The following ADIPOR2 variants were observed in gnomAD, a reference collection of about 807,000 sequenced individuals.
ADIPOR2 encodes the protein adiponectin receptor protein 2.
Under a neutral mutation model 40.9 loss-of-function variants are expected in ADIPOR2, and 18 were observed. The ratio of observed to expected loss-of-function variants is 0.44; its 90% CI spans 0.30 to 0.65. ADIPOR2 has a LOEUF of 0.65. ADIPOR2 is among the 30% of genes least tolerant of loss of function. The pLI, the probability that ADIPOR2 is intolerant of heterozygous loss-of-function variation, is 0.09. For missense variants in ADIPOR2, 283 were observed against 479.2 expected (o/e 0.59, Z 3.82); for synonymous variants, 165 against 166.4 (o/e 0.99, Z 0.06).
intron 1 of ADIPOR2, among the ~76,000 whole-genome samples, chr12:1,704,854 CT>C (rs1455601868): frequency 6.6e-6 from 1 of 151,910 alleles, no homozygotes; most frequent in Non-Finnish European, 1.5e-5. Flanking sequence ...CCTTTTCTTT[CT>C]CATACTGGTG....
chr12:1,707,701 G>A (rs1186927983), intron 1 of ADIPOR2, among the ~76,000 whole-genome samples: 1 of 151,364 alleles, frequency 6.6e-6, no homozygotes, highest in Non-Finnish European at 1.5e-5. Flanking sequence ...TTTAAATCTG[G>A]GGCTCAAGTG....
intron 1 of ADIPOR2, among the ~76,000 whole-genome samples, chr12:1,702,046 T>TG (rs1236008790): frequency 1.3e-5 from 2 of 152,036 alleles, no homozygotes; most frequent in Non-Finnish European, 2.9e-5. Flanking sequence ...CGCTTGAACC[T>TG]GGGAGGCAGA....
chr12:1,698,759 A>G (rs1227243774), intron 1 of ADIPOR2, among the ~76,000 whole-genome samples: 5 of 152,206 alleles, frequency 3.3e-5, no homozygotes, highest in African/African-American at 1.2e-4. Context: ...AAGAAAACAC[A>G]TTTTTCATTT....
intron 1 of ADIPOR2, among the ~76,000 whole-genome samples, chr12:1,747,124 T>C (rs1335379060): frequency 6.8e-6 from 1 of 148,146 alleles, no homozygotes; most frequent in Non-Finnish European, 1.5e-5. Flanking sequence ...GTAAACCAGT[T>C]GGGCCTAATA....
intron 1 of ADIPOR2, among the ~76,000 whole-genome samples, chr12:1,747,423 A>C (rs1045517520): frequency 1.3e-5 from 2 of 152,180 alleles, no homozygotes; most frequent in South Asian, 2.1e-4. Flanking sequence ...TAGGGGTTGC[A>C]ATATATATAT....
intron 1 of ADIPOR2, among the ~76,000 whole-genome samples, chr12:1,728,269 C>T (rs575419729): frequency 5.9e-5 from 9 of 151,908 alleles, no homozygotes; most frequent in Admixed American, 2.6e-4. Flanking sequence ...CCTGCCACCA[C>T]GCCCGGCTAA....
intron 1 of ADIPOR2, among the ~76,000 whole-genome samples, chr12:1,716,754 G>A (rs1949975537): frequency 6.6e-6 from 1 of 152,110 alleles, no homozygotes; most frequent in African/African-American, 2.4e-5. Context: ...TTTCCTAAAG[G>A]TTAATTTTCT....
At chr12:1,748,621 G>A (rs889790999) in intron 1 of ADIPOR2, among the ~76,000 whole-genome samples, 3 of 151,752 alleles carry the variant, frequency 2.0e-5, no homozygotes, top group East Asian at 3.9e-4. Context: ...TTTACAGGTT[G>A]AAGTTTTTTT....
intron 1 of ADIPOR2, among the ~76,000 whole-genome samples, chr12:1,710,612 C>G (rs1323331414): frequency 6.6e-6 from 1 of 151,850 alleles, no homozygotes; most frequent in African/African-American, 2.4e-5. Flanking sequence ...CAACCCCCGA[C>G]TCTTCAGAGT....
chr12:1,704,052 G>T (rs1297986783), intron 1 of ADIPOR2, among the ~76,000 whole-genome samples: 4 of 101,502 alleles, frequency 3.9e-5, no homozygotes, highest in African/African-American at 6.5e-5. Context: ...GGTTCTACCT[G>T]GAATTTTTTT....
chr12:1,711,254 T>TGA (rs1448099200), intron 1 of ADIPOR2, among the ~76,000 whole-genome samples: 1 of 152,102 alleles, frequency 6.6e-6, no homozygotes, highest in South Asian at 2.1e-4. Flanking sequence ...AGAAATCCTT[T>TGA]GAGAGTGTGT....
intron 1 of ADIPOR2, among the ~76,000 whole-genome samples, chr12:1,727,172 C>T (rs891757368): frequency 2.0e-5 from 3 of 152,170 alleles, no homozygotes; most frequent in Non-Finnish European, 4.4e-5. Context: ...TTCACCATTT[C>T]TTTTAGGCAG....
chr12:1,757,735 T>C (rs1862170259), intron 2 of ADIPOR2: 1 of 1,282,848 alleles, frequency 7.8e-7, no homozygotes, highest in Non-Finnish European at 1.1e-6. Context: ...CTCCCCCGTC[T>C]TGTCAATGCT....
chr12:1,767,449 C>A (rs191901104), intron 2 of ADIPOR2, among the ~76,000 whole-genome samples: 1 of 151,954 alleles, frequency 6.6e-6, no homozygotes, highest in Non-Finnish European at 1.5e-5. Flanking sequence ...TTGGAGAATA[C>A]TGGGTATACA....
rs959851609 is a variant in ADIPOR2, at chr12:1,786,855, T to C, written c.*783T>C. On this transcript the variant is annotated 3_prime_UTR_variant, in exon 8 of 8. Coordinates refer to ENST00000357103, the MANE Select transcript of ADIPOR2 (RefSeq NM_024551.3). ...AGGTAGAGGGGAGTGGTATGTGTTT[T>C]CTCAGTGGAAGCAGCACATGAGTGG... 2.0e-5 allele frequency: 3 copies of C among 152,228 alleles called. No homozygotes were observed. The highest frequency in any genetic ancestry group is 4.4e-5 in the Non-Finnish European group (3 of 68,054). 9.4% of individuals were successfully genotyped at this position (152,228 alleles called of 1,614,324 possible).
intron 1 of ADIPOR2, among the ~76,000 whole-genome samples, chr12:1,750,415 AAAAAG>A (rs1336698416): frequency 6.6e-6 from 1 of 151,706 alleles, no homozygotes; most frequent in African/African-American, 2.4e-5. Flanking sequence ...AAAAAAAAAA[AAAAAG>A]GCCAGGTATG....
chr12:1,729,631 T>TC (rs1285424939), intron 1 of ADIPOR2, among the ~76,000 whole-genome samples: 2 of 44,018 alleles, frequency 4.5e-5, no homozygotes, highest in African/African-American at 1.1e-4. Context: ...TTTTTTTTTT[T>TC]TTTTTTTTTT....
intron 2 of ADIPOR2, chr12:1,757,399 G>T (rs1862156409): frequency 1.4e-6 from 1 of 725,774 alleles, no homozygotes; most frequent in East Asian, 2.5e-5. Flanking sequence ...TCTTTCATGT[G>T]AACCACATCA....
intron 1 of ADIPOR2, among the ~76,000 whole-genome samples, chr12:1,729,041 G>C (rs1214269570): frequency 7.5e-6 from 1 of 132,774 alleles, no homozygotes; most frequent in African/African-American, 2.8e-5. Context: ...CTTTGGTTCT[G>C]TGTGCTTTAA....
Sources: allele counts gnomAD v4.1 joint callset (sites outside exome capture counted in the v4.1 genomes callset), GRCh38; gene constraint gnomAD v4.1.1; transcripts MANE v1.5; gene names NCBI Gene and HGNC (gene_info 2026-07-23, HGNC 2026-07-21).